The following TSHZ2 variants were observed in gnomAD, a reference collection of about 807,000 sequenced individuals.
TSHZ2 encodes teashirt homolog 2.
Under a neutral mutation model 74.4 loss-of-function variants are expected in TSHZ2, and 21 were observed. That is an observed-to-expected ratio of 0.28 (90% confidence interval 0.20 to 0.41). The LOEUF (loss-of-function observed/expected upper bound fraction) is 0.41, where lower values mean the gene tolerates loss of function less well. Ranked by LOEUF, TSHZ2 falls within the 10% of genes least tolerant of loss-of-function variation. The pLI, the probability that TSHZ2 is intolerant of heterozygous loss-of-function variation, is 1.00. For missense variants in TSHZ2, 1,244 were observed against 1,293.5 expected (o/e 0.96, Z 0.59); for synonymous variants, 540 against 515.3 (o/e 1.05, Z -0.65).
chr20:53,079,436 C>T (rs1223436539), intron 1 of TSHZ2, among the ~76,000 whole-genome samples: 2 of 152,176 alleles, frequency 1.3e-5, no homozygotes, highest in African/African-American at 2.4e-5. Flanking sequence ...GGTTAATCTG[C>T]AGAGCAAGTG....
chr20:53,216,844 T>C (rs1736288468), intron 1 of TSHZ2, among the ~76,000 whole-genome samples: 1 of 152,174 alleles, frequency 6.6e-6, no homozygotes, highest in African/African-American at 2.4e-5. Context: ...TGTCTAAAAG[T>C]GAACACACCC....
chr20:53,306,952 G>A (rs6068504), intron 2 of TSHZ2, among the ~76,000 whole-genome samples: 21,940 of 152,100 alleles, frequency 0.14, 2,184 homozygotes, highest in African/African-American at 0.28. Context: ...TATCCTCACA[G>A]GAATTCTAAG....
intron 1 of TSHZ2, among the ~76,000 whole-genome samples, chr20:53,249,307 CTATT>C (rs915981036): frequency 7.2e-5 from 11 of 152,298 alleles, no homozygotes; most frequent in South Asian, 6.2e-4. Flanking sequence ...ACTGTGTAAT[CTATT>C]CATTCATTAA....
chr20:53,228,019 GTT>G (rs3971383), intron 1 of TSHZ2, among the ~76,000 whole-genome samples: 15,677 of 101,266 alleles, frequency 0.15, 1,187 homozygotes, highest in African/African-American at 0.3. Flanking sequence ...TTCAAATGGT[GTT>G]TTTTTTTTTT....
chr20:53,323,887 G>A (rs1324895927), intron 2 of TSHZ2, among the ~76,000 whole-genome samples: 1 of 151,950 alleles, frequency 6.6e-6, no homozygotes, highest in Non-Finnish European at 1.5e-5. Context: ...CTCCTCGGAG[G>A]GCTTTATTAC....
intron 1 of TSHZ2, among the ~76,000 whole-genome samples, chr20:53,149,523 A>G (rs993778180): frequency 6.6e-5 from 10 of 152,306 alleles, no homozygotes; most frequent in Middle Eastern, 3.4e-3. Context: ...TGAGCTGCCA[A>G]TGCAAGGATC....
Position 53,253,935 on chromosome 20 carries a change from C to A in TSHZ2, c.477C>A (p.Asn159Lys). 1 of 1,614,162 alleles carries A rather than the reference C, an allele frequency of 6.2e-7. No individual in the cohort carries two copies. Among genetic ancestry groups the A allele is most frequent in the Non-Finnish European group, 8.5e-7 (1 of 1,180,028 alleles). Reference protein sequence around the residue: ...NSERRNCDTRNGSNKSDFDWH... With the variant: ...NSERRNCDTRKGSNKSDFDWH... The stretch of plus-strand genomic sequence containing the variant: ...AGAGGAGGAACTGTGACACCCGAAA[C>A]GGCAGCAACAAGAGTGATTTTGATT... Residue 159 changes from asparagine to lysine, a missense_variant, in exon 2 of 3, where the codon AAC becomes AAA. Around this residue, in one of 6 missense-constraint regions of TSHZ2, gnomAD observed 470 missense variants for 456.5 expected, o/e 1.03. Transcript: ENST00000371497.
intron 2 of TSHZ2, among the ~76,000 whole-genome samples, chr20:53,297,632 A>G (rs988151926): frequency 6.6e-6 from 1 of 152,248 alleles, no homozygotes; most frequent in Non-Finnish European, 1.5e-5. Context: ...CACAGTTAGT[A>G]GCAGGAACTC....
At chr20:53,098,558 G>A (rs1378943591) in intron 1 of TSHZ2, among the ~76,000 whole-genome samples, 2 of 152,118 alleles carry the variant, frequency 1.3e-5, no homozygotes, top group African/African-American at 2.4e-5. Flanking sequence ...TACTGCAAAT[G>A]TTTAATGTGT....
At chr20:53,376,994 ATCTC>A (rs1247700464) in intron 2 of TSHZ2, among the ~76,000 whole-genome samples, 1 of 152,244 alleles carries the variant, frequency 6.6e-6, no homozygotes, top group Non-Finnish European at 1.5e-5. Flanking sequence ...ATCGGTGGCC[ATCTC>A]TCTTCTTCTA....
intron 1 of TSHZ2, among the ~76,000 whole-genome samples, chr20:53,169,564 T>C (rs1293393): frequency 0.44 from 66,892 of 152,034 alleles, 16,822 homozygotes; most frequent in African/African-American, 0.7. Flanking sequence ...AAGGCTAGCA[T>C]GGTTCCTGGC....
chr20:53,272,157 A>C (rs1026722550), intron 2 of TSHZ2, among the ~76,000 whole-genome samples: 1 of 151,980 alleles, frequency 6.6e-6, no homozygotes, highest in Non-Finnish European at 1.5e-5. Flanking sequence ...GATTACAGGC[A>C]CGCACCACCA....
At chr20:53,078,267 T>A (rs1458151452) in intron 1 of TSHZ2, among the ~76,000 whole-genome samples, 2 of 152,208 alleles carry the variant, frequency 1.3e-5, no homozygotes, top group Admixed American at 1.3e-4. Flanking sequence ...GAAAATAATG[T>A]GGGTTTAACC....
intron 2 of TSHZ2, among the ~76,000 whole-genome samples, chr20:53,338,905 G>C (rs532647024): frequency 1.3e-5 from 2 of 152,326 alleles, no homozygotes; most frequent in South Asian, 4.1e-4. Flanking sequence ...GTAAACCTCA[G>C]GCAGGAGCCA....
chr20:53,316,370 A>G (rs1979016359), intron 2 of TSHZ2, among the ~76,000 whole-genome samples: 1 of 152,176 alleles, frequency 6.6e-6, no homozygotes, highest in African/African-American at 2.4e-5. Context: ...ATTGAGAGAA[A>G]AAGAACCCTC....
chr20:53,227,878 C>T (rs1989720294), intron 1 of TSHZ2, among the ~76,000 whole-genome samples: 1 of 151,950 alleles, frequency 6.6e-6, no homozygotes, highest in South Asian at 2.1e-4. Flanking sequence ...TTCTTTCGTT[C>T]TTCCTTTTTT....
chr20:53,255,766 T>C lies in TSHZ2; in HGVS notation c.2308T>C (p.Ser770Pro), dbSNP rs763504632. Reference sequence around the variant, plus strand: ...CGATCAGCCCATTGACCTGACCAAGTCCAAAAGCAAGAAAGCCGAGTCCTC... The same window carrying C: ...CGATCAGCCCATTGACCTGACCAAGCCCAAAAGCAAGAAAGCCGAGTCCTC... ...NSDQPIDLTK[S>P]KSKKAESSQA... is the part of the protein sequence containing the mutation. The change falls in exon 2 of 3, where the codon TCC becomes CCC. Residue 770 changes from serine (S) to proline (P), a missense_variant. This residue lies in a region of TSHZ2 where 562 missense variants were observed against 544.0 expected (regional missense o/e 1.03). Coordinates refer to ENST00000371497, the MANE Select transcript of TSHZ2 (RefSeq NM_173485.6). This position sits in a 1 kb window ranked among gnomAD's most constrained non-coding sequence, Gnocchi z 4.1. The C allele has an allele frequency of 1.2e-6, 2 of 1,613,702 alleles. No individual in the cohort carries two copies. Among genetic ancestry groups the C allele is most frequent in the South Asian group, 2.2e-5 (2 of 91,020 alleles).
At chr20:53,109,567 C>G (rs1279113273) in intron 1 of TSHZ2, among the ~76,000 whole-genome samples, 3 of 152,216 alleles carry the variant, frequency 2.0e-5, no homozygotes. Flanking sequence ...CTCTTTTGAG[C>G]TCATCCCTCC....
intron 2 of TSHZ2, among the ~76,000 whole-genome samples, chr20:53,388,795 C>A (rs191692806): frequency 6.6e-6 from 1 of 152,110 alleles, no homozygotes; most frequent in Admixed American, 6.6e-5. Context: ...GTTAGCCAGG[C>A]TGGTCTCAAA....
Sources: allele counts gnomAD v4.1 joint callset (sites outside exome capture counted in the v4.1 genomes callset), GRCh38; gene constraint gnomAD v4.1.1; regional missense constraint gnomAD v4.1.1; non-coding constraint Gnocchi (gnomAD v3.1); transcripts MANE v1.5; gene names NCBI Gene and HGNC (gene_info 2026-07-23, HGNC 2026-07-21).